The following MAML3 variants were observed in gnomAD, a reference collection of about 807,000 sequenced individuals.
MAML3 encodes the protein mastermind-like protein 3.
In MAML3, 27 loss-of-function variants were observed where a neutral mutation model predicts 101.9. The observed-to-expected ratio is 0.27, with a 90% CI of 0.20 to 0.37. The LOEUF (loss-of-function observed/expected upper bound fraction) is 0.37, where lower values mean the gene tolerates loss of function less well. Ranked by LOEUF, MAML3 falls within the 10% of genes least tolerant of loss-of-function variation. The probability of loss-of-function intolerance (pLI) is 1.00; values close to 1 mark genes in which losing one functional copy is unlikely to be tolerated. For missense variants in MAML3, 1,316 were observed against 1,444.9 expected (o/e 0.91, Z 1.45); for synonymous variants, 501 against 555.9 (o/e 0.90, Z 1.39).
chr4:140,086,971 C>A (rs1469443631), intron 1 of MAML3, among the ~76,000 whole-genome samples: 2 of 152,126 alleles, frequency 1.3e-5, no homozygotes, highest in African/African-American at 4.8e-5. Flanking sequence ...ACCGGCATGG[C>A]CAACATGGCG....
At chr4:139,772,188 C>T (rs866624899) in intron 2 of MAML3, among the ~76,000 whole-genome samples, 3 of 119,816 alleles carry the variant, frequency 2.5e-5, no homozygotes, top group East Asian at 2.7e-4. Context: ...TGCAGTGAGC[C>T]GAGATCGCGC....
At chr4:139,824,940 T>C (rs981510129) in intron 2 of MAML3, among the ~76,000 whole-genome samples, 8 of 152,102 alleles carry the variant, frequency 5.3e-5, no homozygotes, top group African/African-American at 1.9e-4. Flanking sequence ...GACCCTGATT[T>C]TCCAGAGGGA....
At chr4:139,808,999 C>T (rs768288020) in intron 2 of MAML3, among the ~76,000 whole-genome samples, 30 of 152,058 alleles carry the variant, frequency 2.0e-4, no homozygotes, top group Non-Finnish European at 2.9e-4. Context: ...TGTGACTCCC[C>T]CACTCACTCT....
At chr4:139,737,908 G>A (rs146106000) in intron 2 of MAML3, among the ~76,000 whole-genome samples, 6 of 152,228 alleles carry the variant, frequency 3.9e-5, no homozygotes, top group African/African-American at 1.4e-4. Context: ...ATGTGTGATG[G>A]TTGTGTCCCC....
chr4:139,790,368 C>A lies in MAML3; in HGVS notation c.2080-59701G>T, dbSNP rs925992027. ...TTCTTTTTTTGCTTTATGTACAGAA[C>A]AAACCACTTTTTTTCATTGTAGAAA... is the stretch of plus-strand genomic sequence containing the variant. On this transcript the variant is annotated intron_variant, in intron 2 of 4. Coordinates refer to ENST00000509479, the MANE Select transcript of MAML3 (RefSeq NM_018717.5). Among the ~76,000 whole-genome samples, 3 of 150,404 alleles carry A rather than the reference C, an allele frequency of 2.0e-5. No homozygotes were observed. In the East Asian group the frequency reaches 5.8e-4, roughly 29 times the overall value.
At chr4:140,115,807 TC>T (rs1728508179) in intron 1 of MAML3, among the ~76,000 whole-genome samples, 2 of 151,484 alleles carry the variant, frequency 1.3e-5, no homozygotes, top group Non-Finnish European at 2.9e-5. Flanking sequence ...AAATTAAGAT[TC>T]TTTTTTATAA....
At chr4:140,071,754 T>TGAGAGAGAGAGAGAGA (rs1328059871) in intron 1 of MAML3, among the ~76,000 whole-genome samples, 1 of 66,736 alleles carries the variant, frequency 1.5e-5, no homozygotes, top group Admixed American at 2.0e-4. Context: ...GGGACCAGGA[T>TGAGAGAGAGAGAGAGA]TAGAGAGAGA....
chr4:139,810,954 T>G (rs1343788093), intron 2 of MAML3, among the ~76,000 whole-genome samples: 4 of 152,188 alleles, frequency 2.6e-5, no homozygotes, highest in Non-Finnish European at 5.9e-5. Flanking sequence ...TTTCTTCTGT[T>G]GTTTTCTTCA....
chr4:140,088,957 T>C (rs1186438056), intron 1 of MAML3, among the ~76,000 whole-genome samples: 1 of 152,350 alleles, frequency 6.6e-6, no homozygotes, highest in South Asian at 2.1e-4. Context: ...TTGCTCTTTA[T>C]TGAATCCACT....
At chr4:139,879,938 T>C (rs795979) in intron 2 of MAML3, among the ~76,000 whole-genome samples, 47,615 of 152,100 alleles carry the variant, frequency 0.31, 7,886 homozygotes, top group East Asian at 0.6. Context: ...TTTGGGAGGC[T>C]GAGGTGGGTG....
chr4:139,731,003 T>C, intron 2 of MAML3: 1 of 305,094 alleles, frequency 3.3e-6, no homozygotes, highest in Non-Finnish European at 6.2e-6. Flanking sequence ...GCCCTCAGGC[T>C]GAGCTCACCT....
intron 2 of MAML3, among the ~76,000 whole-genome samples, chr4:139,843,368 A>C (rs1731395042): frequency 6.6e-6 from 1 of 152,220 alleles, no homozygotes; most frequent in South Asian, 2.1e-4. Context: ...AATTTAGAAA[A>C]CACACCAGAA....
chr4:140,104,231 A>T (rs987169716), intron 1 of MAML3, among the ~76,000 whole-genome samples: 1 of 149,522 alleles, frequency 6.7e-6, no homozygotes, highest in African/African-American at 2.5e-5. Flanking sequence ...CAAAAAATTT[A>T]AAAAATTAGC....
At chr4:139,811,057 A>G (rs795990) in intron 2 of MAML3, among the ~76,000 whole-genome samples, 5,022 of 152,326 alleles carry the variant, frequency 0.033, 247 homozygotes, top group African/African-American at 0.11. Flanking sequence ...AAAGCCATGC[A>G]TTGGGTAGGA....
At chr4:139,920,380 C>T (rs1733103838) in intron 1 of MAML3, among the ~76,000 whole-genome samples, 1 of 152,196 alleles carries the variant, frequency 6.6e-6, no homozygotes, top group South Asian at 2.1e-4. Context: ...TGTGTATCCA[C>T]ACCAGCAACA....
chr4:139,791,404 T>C (rs1279934691), intron 2 of MAML3, among the ~76,000 whole-genome samples: 1 of 147,310 alleles, frequency 6.8e-6, no homozygotes, highest in Non-Finnish European at 1.5e-5. Context: ...GAGGCTGAAG[T>C]AGGGGAATTG....
At chr4:140,040,460 C>T (rs1727063637) in intron 1 of MAML3, among the ~76,000 whole-genome samples, 1 of 152,190 alleles carries the variant, frequency 6.6e-6, no homozygotes, top group Non-Finnish European at 1.5e-5. Flanking sequence ...TGAACATCAA[C>T]AAGTAATGCA....
chr4:139,920,811 G>T (rs1364691657), intron 1 of MAML3, among the ~76,000 whole-genome samples: 1 of 152,162 alleles, frequency 6.6e-6, no homozygotes, highest in Non-Finnish European at 1.5e-5. Flanking sequence ...GACTGTCTGG[G>T]GTGAGTGACC....
rs550019372 is a variant in MAML3, at chr4:139,756,528, C to T, written c.2080-25861G>A. 4.2e-4 allele frequency among the ~76,000 whole-genome samples: 64 copies of T among 152,232 alleles called. No homozygotes were observed. In the South Asian group the frequency reaches 0.013, roughly 30 times the overall value. On this transcript the variant is annotated intron_variant, in intron 2 of 4. Coordinates refer to ENST00000509479, the MANE Select transcript of MAML3 (RefSeq NM_018717.5). ...CAAGCCTTAAACCTTAAAGGGACCCCGAGGCACTAGCTAACTTCTCCCTCA... is the reference window on the plus strand; with the variant it reads ...CAAGCCTTAAACCTTAAAGGGACCCTGAGGCACTAGCTAACTTCTCCCTCA...
Sources: gnomAD v4.1 joint callset for allele counts (sites outside exome capture counted in the v4.1 genomes callset) on GRCh38, gnomAD v4.1.1 for gene constraint, MANE v1.5 for transcripts, NCBI Gene and HGNC (gene_info 2026-07-23, HGNC 2026-07-21) for gene names.